Variants in FOXN3 observed in about 807,000 individuals in gnomAD.
The protein encoded by FOXN3 is forkhead box protein N3.
A neutral mutation model predicts 38.4 loss-of-function variants in FOXN3; 7 were observed. That is an observed-to-expected ratio of 0.18 (90% CI 0.10 to 0.34). FOXN3 has a LOEUF of 0.34. FOXN3 is among the 10% of genes least tolerant of loss of function. FOXN3 has a pLI of 1.00. For synonymous variants in FOXN3, 230 were observed against 242.2 expected (o/e 0.95, Z 0.47); for missense variants, 456 against 613.4 (o/e 0.74, Z 2.71).
intron 2 of FOXN3, among the ~76,000 whole-genome samples, chr14:89,392,108 A>T (rs749047836): frequency 1.1e-4 from 17 of 152,148 alleles, no homozygotes; most frequent in Non-Finnish European, 2.5e-4. Flanking sequence ...TTTAATGTGA[A>T]CCCAGTTAGG....
intron 1 of FOXN3, among the ~76,000 whole-genome samples, chr14:89,462,405 T>C (rs542232878): frequency 2.6e-5 from 4 of 152,348 alleles, no homozygotes; most frequent in African/African-American, 9.6e-5. Context: ...TTGGAGAATA[T>C]ATCTGGCAAG....
intron 1 of FOXN3, among the ~76,000 whole-genome samples, chr14:89,580,591 T>C (rs1895721861): frequency 6.6e-6 from 1 of 152,162 alleles, no homozygotes; most frequent in Admixed American, 6.5e-5. Context: ...CCAACCTCCA[T>C]CTGTGTAATT....
chr14:89,246,261 A>G (rs937266992), intron 4 of FOXN3, among the ~76,000 whole-genome samples: 1 of 152,194 alleles, frequency 6.6e-6, no homozygotes, highest in Non-Finnish European at 1.5e-5. Flanking sequence ...TAAAGGGCTA[A>G]AGCTGAGAAC....
chr14:89,608,646 C>A (rs1428826413), intron 1 of FOXN3, among the ~76,000 whole-genome samples: 1 of 152,132 alleles, frequency 6.6e-6, no homozygotes, highest in Non-Finnish European at 1.5e-5. Flanking sequence ...ACAGCAGAGG[C>A]CACCGAGCCT....
chr14:89,299,635 G>A (rs530301603), intron 3 of FOXN3, among the ~76,000 whole-genome samples: 10 of 152,292 alleles, frequency 6.6e-5, no homozygotes, highest in East Asian at 5.8e-4. Context: ...AAGGTGGCCC[G>A]GGGATACCTT....
Position 89,187,983 on chromosome 14 carries a change from C to T in FOXN3, c.746-7177G>A, listed in dbSNP as rs568492061. 3.9e-5 allele frequency among the ~76,000 whole-genome samples: 6 copies of T among 152,296 alleles called. No homozygotes were observed. The South Asian group carries it at 8.3e-4, about 21-fold the overall frequency. On this transcript the variant is annotated intron_variant, in intron 4 of 5. Coordinates refer to ENST00000557258, the MANE Select transcript of FOXN3 (RefSeq NM_005197.4). ...TTCTGCCCAGTCTTCACATTTACTT[C>T]TCTGTTATTCCTGTCCATGAGCGTC...
intron 1 of FOXN3, among the ~76,000 whole-genome samples, chr14:89,427,089 C>T (rs1298002097): frequency 2.6e-5 from 4 of 151,368 alleles, no homozygotes; most frequent in Non-Finnish European, 5.9e-5. Context: ...ATTAGCCGGG[C>T]GCAGTGGTGG....
chr14:89,331,849 A>G (rs567301724), intron 3 of FOXN3, among the ~76,000 whole-genome samples: 5 of 149,140 alleles, frequency 3.4e-5, no homozygotes, highest in South Asian at 2.2e-4. Context: ...TAACCCCTAC[A>G]TTGATTTCAT....
chr14:89,468,458 C>CAA lies in FOXN3; in HGVS notation c.-14-55969_-14-55968insTT, dbSNP rs1555355608. On this transcript the variant is annotated intron_variant, in intron 1 of 6. Coordinates refer to the FOXN3 transcript ENST00000345097. ...GACAGAGGAAGGCTGTGTCTCAAAACACACACACACACACACATACACACA... is the reference window on the plus strand; with the variant it reads ...GACAGAGGAAGGCTGTGTCTCAAAACAAACACACACACACACACATACACACA... 6.2e-3 allele frequency among the ~76,000 whole-genome samples: 933 copies of CAA among 150,230 alleles called. 11 individuals are homozygous for CAA. Among genetic ancestry groups the CAA allele is most frequent in the African/African-American group, 0.021 (859 of 41,082 alleles).
chr14:89,465,263 C>T (rs1892953136), intron 1 of FOXN3, among the ~76,000 whole-genome samples: 1 of 152,142 alleles, frequency 6.6e-6, no homozygotes. Flanking sequence ...CAGAGTCTTG[C>T]TCTGTTGCCA....
At chr14:89,363,677 CCTCT>C (rs1889970791) in intron 2 of FOXN3, among the ~76,000 whole-genome samples, 1 of 152,194 alleles carries the variant, frequency 6.6e-6, no homozygotes, top group South Asian at 2.1e-4. Flanking sequence ...ACTTAATTCT[CCTCT>C]CTGTCAAGGG....
chr14:89,550,810 T>A (rs1894989260), intron 1 of FOXN3, among the ~76,000 whole-genome samples: 2 of 152,226 alleles, frequency 1.3e-5, no homozygotes, highest in South Asian at 4.1e-4. Flanking sequence ...GTAAAGGTAC[T>A]GATTTTAATA....
chr14:89,272,221 G>A (rs1488988423), intron 4 of FOXN3, among the ~76,000 whole-genome samples: 1 of 152,088 alleles, frequency 6.6e-6, no homozygotes, highest in African/African-American at 2.4e-5. Context: ...GCTGAGGCAG[G>A]AGAATCGCTT....
chr14:89,515,685 G>A (rs920887191), intron 1 of FOXN3, among the ~76,000 whole-genome samples: 6 of 152,134 alleles, frequency 3.9e-5, no homozygotes, highest in Admixed American at 6.5e-5. Context: ...GCAGTGAGCC[G>A]GGACCGTGCC....
chr14:89,209,956 T>C (rs1735098785), intron 4 of FOXN3, among the ~76,000 whole-genome samples: 1 of 152,234 alleles, frequency 6.6e-6, no homozygotes, highest in South Asian at 2.1e-4. Flanking sequence ...AAATTCTTCA[T>C]GTTTTACATT....
chr14:89,488,951 G>A (rs1415399444), intron 1 of FOXN3, among the ~76,000 whole-genome samples: 1 of 152,110 alleles, frequency 6.6e-6, no homozygotes, highest in Non-Finnish European at 1.5e-5. Context: ...CCAATTAGAG[G>A]AAAAAATGCT....
chr14:89,574,429 C>A (rs1049509620), intron 1 of FOXN3, among the ~76,000 whole-genome samples: 1 of 152,060 alleles, frequency 6.6e-6, no homozygotes, highest in African/African-American at 2.4e-5. Context: ...GGCAGGGATA[C>A]GCTTGGTGGC....
At chr14:89,503,518 A>G (rs1893844613) in intron 1 of FOXN3, among the ~76,000 whole-genome samples, 1 of 152,384 alleles carries the variant, frequency 6.6e-6, no homozygotes, top group Middle Eastern at 3.4e-3. Context: ...AGTTCTAGCC[A>G]TATGCTACTG....
At chr14:89,495,975 G>T (rs1306185165) in intron 1 of FOXN3, among the ~76,000 whole-genome samples, 3 of 152,196 alleles carry the variant, frequency 2.0e-5, no homozygotes, top group Non-Finnish European at 4.4e-5. Flanking sequence ...AGCACTTTAG[G>T]AGGCTGAAGC....
Sources: allele counts gnomAD v4.1 joint callset (sites outside exome capture counted in the v4.1 genomes callset), GRCh38; gene constraint gnomAD v4.1.1; transcripts MANE v1.5; gene names NCBI Gene and HGNC (gene_info 2026-07-23, HGNC 2026-07-21).